FBN2: variants seen among roughly 807,000 people sequenced by gnomAD.
FBN2 encodes fibrillin 2.
In FBN2, 105 loss-of-function variants were observed where a neutral mutation model predicts 355.6. The observed-to-expected ratio is 0.30, with a 90% CI of 0.25 to 0.35. The LOEUF (loss-of-function observed/expected upper bound fraction) is 0.35, where lower values mean the gene tolerates loss of function less well. FBN2 is among the 10% of genes least tolerant of loss of function. FBN2 has a pLI of 1.00. For missense variants in FBN2, 3,280 were observed against 3,758.7 expected (o/e 0.87, Z 3.33); for synonymous variants, 1,350 against 1,301.2 (o/e 1.04, Z -0.81).
intron 22 of FBN2, 52 bp from the exon 23 acceptor site, chr5:128,349,524 G>A (rs1751287362): frequency 6.3e-7 from 1 of 1,599,620 alleles, no homozygotes; most frequent in Admixed American, 1.7e-5. Context: ...AATAGAAAAA[G>A]CAGGTGTGGT....
chr5:128,456,464 C>G (rs867842967), intron 6 of FBN2, among the ~76,000 whole-genome samples: 2 of 152,146 alleles, frequency 1.3e-5, no homozygotes, highest in Non-Finnish European at 2.9e-5. Context: ...TAAACGGATC[C>G]TGCTCCCAGT....
At chr5:128,419,272 C>T (rs1753282937) in intron 7 of FBN2, among the ~76,000 whole-genome samples, 2 of 152,130 alleles carry the variant, frequency 1.3e-5, no homozygotes, top group South Asian at 4.1e-4. Flanking sequence ...GATAGTTTTA[C>T]TTCTTTTTTT....
chr5:128,369,152 A>T (rs1751861367), intron 16 of FBN2, 30 bp downstream of exon 16: 1 of 1,611,382 alleles, frequency 6.2e-7, no homozygotes, highest in Admixed American at 1.7e-5. Context: ...TTGATTCTTT[A>T]TCAACTGTGA....
intron 5 of FBN2, among the ~76,000 whole-genome samples, chr5:128,471,989 A>G (rs1754873227): frequency 6.6e-6 from 1 of 152,228 alleles, no homozygotes; most frequent in Non-Finnish European, 1.5e-5. Context: ...AGAAACAAAT[A>G]TTATTTAAAA....
intron 5 of FBN2, among the ~76,000 whole-genome samples, chr5:128,473,127 T>G (rs1249512337): frequency 6.6e-6 from 1 of 152,202 alleles, no homozygotes; most frequent in Non-Finnish European, 1.5e-5. Context: ...TTCTGTAATC[T>G]AATTCCTGGC....
intron 18 of FBN2, among the ~76,000 whole-genome samples, chr5:128,362,234 A>G (rs1232968095): frequency 6.6e-6 from 1 of 152,192 alleles, no homozygotes; most frequent in Non-Finnish European, 1.5e-5. Context: ...AACAGAAGGC[A>G]TTTTTTATGA....
chr5:128,518,251 C>T (rs1449222766), intron 5 of FBN2, among the ~76,000 whole-genome samples: 3 of 151,160 alleles, frequency 2.0e-5, no homozygotes, highest in Non-Finnish European at 4.4e-5. Flanking sequence ...ATAAATATTC[C>T]CATGATCCAT....
intron 34 of FBN2, among the ~76,000 whole-genome samples, chr5:128,322,683 T>C (rs905332277): frequency 2.0e-5 from 3 of 152,240 alleles, no homozygotes; most frequent in East Asian, 1.9e-4. Context: ...TTATGGTTAC[T>C]GTGGCCTTGT....
intron 2 of FBN2, among the ~76,000 whole-genome samples, chr5:128,534,973 G>A (rs1320429243): frequency 6.6e-6 from 1 of 152,180 alleles, no homozygotes; most frequent in Admixed American, 6.5e-5. Context: ...AGCTGTTTCA[G>A]GAGTCTAAAA....
chr5:128,334,097 A>G (rs1361951891), intron 31 of FBN2, among the ~76,000 whole-genome samples: 4 of 152,062 alleles, frequency 2.6e-5, no homozygotes, highest in Non-Finnish European at 4.4e-5. Context: ...CCTGCATGCA[A>G]AAGGCTAAAA....
At chr5:128,284,481 A>G in intron 55 of FBN2, among the ~76,000 whole-genome samples, 1 of 152,196 alleles carries the variant, frequency 6.6e-6, no homozygotes, top group Admixed American at 6.5e-5. Context: ...CACAAGCTTC[A>G]GCTACACTGG....
intron 7 of FBN2, among the ~76,000 whole-genome samples, chr5:128,419,537 G>A (rs1581277669): frequency 6.6e-6 from 1 of 151,822 alleles, no homozygotes; most frequent in Non-Finnish European, 1.5e-5. Flanking sequence ...TAGAATACAA[G>A]GGTATTGGCT....
At chr5:128,520,953 A>T (rs1434695470) in intron 4 of FBN2, among the ~76,000 whole-genome samples, 1 of 152,286 alleles carries the variant, frequency 6.6e-6, no homozygotes, top group East Asian at 1.9e-4. Flanking sequence ...CACGGGGAAC[A>T]TGAAAAAAAT....
intron 4 of FBN2, among the ~76,000 whole-genome samples, chr5:128,523,386 G>A (rs1443137931): frequency 6.6e-6 from 1 of 151,986 alleles, no homozygotes; most frequent in Non-Finnish European, 1.5e-5. Context: ...CTTCTTTGCA[G>A]GCTTCTTTTC....
intron 7 of FBN2, among the ~76,000 whole-genome samples, chr5:128,429,662 A>C (rs1314967046): frequency 3.9e-5 from 6 of 152,228 alleles, no homozygotes; most frequent in Non-Finnish European, 2.9e-5. Context: ...AAATATTTTA[A>C]AATGTATAAT....
At chr5:128,486,191 T>C (rs1755333558) in intron 5 of FBN2, among the ~76,000 whole-genome samples, 1 of 152,152 alleles carries the variant, frequency 6.6e-6, no homozygotes, top group South Asian at 2.1e-4. Context: ...CATAAACCCG[T>C]CAAATCTTAG....
intron 23 of FBN2, among the ~76,000 whole-genome samples, chr5:128,347,784 CT>C (rs33959680): frequency 0.69 from 102,387 of 148,266 alleles, 35,275 homozygotes; most frequent in East Asian, 0.92. Flanking sequence ...TTAAAAAATG[CT>C]TTTTTTTTTT....
intron 20 of FBN2, 36 bp from the exon 21 acceptor site, chr5:128,351,041 C>A (rs1460777165): frequency 6.2e-7 from 1 of 1,613,586 alleles, no homozygotes; most frequent in South Asian, 1.1e-5. Context: ...GAGCTCTTAC[C>A]TCTGAAGAAA....
At chr5:128,467,111 T>C (rs1754734588) in intron 5 of FBN2, among the ~76,000 whole-genome samples, 1 of 152,102 alleles carries the variant, frequency 6.6e-6, no homozygotes, top group Non-Finnish European at 1.5e-5. Flanking sequence ...AATTCATAAA[T>C]AAACCAACTT....
Sources: gnomAD v4.1 joint callset for allele counts (sites outside exome capture counted in the v4.1 genomes callset) on GRCh38, gnomAD v4.1.1 for gene constraint, MANE v1.5 for transcripts, NCBI Gene and HGNC (gene_info 2026-07-23, HGNC 2026-07-21) for gene names.